The following SNTG1 variants were observed in gnomAD, a reference collection of about 807,000 sequenced individuals.
The protein encoded by SNTG1 is syntrophin gamma 1.
Under a neutral mutation model 74.7 loss-of-function variants are expected in SNTG1, and 39 were observed. The ratio of observed to expected loss-of-function variants is 0.52; its 90% confidence interval spans 0.40 to 0.68. The LOEUF (loss-of-function observed/expected upper bound fraction) is 0.68, where lower values mean the gene tolerates loss of function less well. SNTG1 is among the 30% of genes least tolerant of loss of function. SNTG1 has a pLI of 0.00. For synonymous variants in SNTG1, 254 were observed against 217.1 expected (o/e 1.17, Z -1.49); for missense variants, 685 against 609.5 (o/e 1.12, Z -1.30).
chr8:50,078,732 G>T (rs985531822), intron 1 of SNTG1, among the ~76,000 whole-genome samples: 1 of 152,008 alleles, frequency 6.6e-6, no homozygotes, highest in African/African-American at 2.4e-5. Context: ...CCCTCGACAG[G>T]CCCCAGCGTG....
chr8:50,534,149 T>C (rs901444832), intron 10 of SNTG1, among the ~76,000 whole-genome samples: 2 of 152,186 alleles, frequency 1.3e-5, no homozygotes, highest in Non-Finnish European at 2.9e-5. Flanking sequence ...CCAGGTTGAA[T>C]GTTAAATGTT....
intron 2 of SNTG1, among the ~76,000 whole-genome samples, chr8:50,388,369 T>A (rs945972219): frequency 7.2e-5 from 11 of 152,166 alleles, no homozygotes; most frequent in Admixed American, 7.2e-4. Context: ...ATTGTGTGTA[T>A]CTCTATTGCC....
At chr8:50,202,364 C>T (rs1026891748) in intron 2 of SNTG1, among the ~76,000 whole-genome samples, 2 of 152,072 alleles carry the variant, frequency 1.3e-5, no homozygotes, top group African/African-American at 2.4e-5. Context: ...TCCCCTCCTT[C>T]CCCTGATCTC....
At chr8:50,377,271 G>A (rs2092405046) in intron 2 of SNTG1, among the ~76,000 whole-genome samples, 1 of 152,068 alleles carries the variant, frequency 6.6e-6, no homozygotes, top group Admixed American at 6.6e-5. Context: ...GGAATGTGTA[G>A]GGACATGAAT....
intron 1 of SNTG1, among the ~76,000 whole-genome samples, chr8:49,970,569 C>A (rs1044825714): frequency 6.6e-6 from 1 of 152,124 alleles, no homozygotes; most frequent in Non-Finnish European, 1.5e-5. Context: ...GGTATTTCCT[C>A]CCTTGGAATC....
chr8:50,711,231 A>C (rs1282679664), intron 17 of SNTG1, among the ~76,000 whole-genome samples: 1 of 152,208 alleles, frequency 6.6e-6, no homozygotes, highest in African/African-American at 2.4e-5. Flanking sequence ...TTATTAAAAT[A>C]AATAATATCT....
At chr8:50,555,472 A>G (rs2094450591) in intron 12 of SNTG1, among the ~76,000 whole-genome samples, 1 of 152,228 alleles carries the variant, frequency 6.6e-6, no homozygotes, top group Non-Finnish European at 1.5e-5. Flanking sequence ...ATTAGCATAA[A>G]GAAAGAAATT....
chr8:49,981,749 T>G (rs1812698161), intron 1 of SNTG1, among the ~76,000 whole-genome samples: 1 of 152,198 alleles, frequency 6.6e-6, no homozygotes, highest in African/African-American at 2.4e-5. Flanking sequence ...AATATTTTCC[T>G]GTTCCTCCCC....
chr8:50,543,577 A>G (rs1286768199), intron 11 of SNTG1, among the ~76,000 whole-genome samples: 2 of 152,140 alleles, frequency 1.3e-5, no homozygotes, highest in Non-Finnish European at 2.9e-5. Flanking sequence ...GATGTAGCAC[A>G]TTTAAAAAAT....
At chr8:50,576,776 T>C (rs1007188188) in intron 12 of SNTG1, among the ~76,000 whole-genome samples, 6 of 152,242 alleles carry the variant, frequency 3.9e-5, no homozygotes, top group Admixed American at 2.6e-4. Flanking sequence ...TGTTATTACA[T>C]AGAAATGCAA....
intron 12 of SNTG1, among the ~76,000 whole-genome samples, chr8:50,565,779 A>C (rs1393931142): frequency 6.6e-6 from 1 of 152,024 alleles, no homozygotes; most frequent in Non-Finnish European, 1.5e-5. Flanking sequence ...GATAATATGA[A>C]TAAGTGCTAT....
At chr8:50,683,171 AT>A (rs575406967) in intron 15 of SNTG1, among the ~76,000 whole-genome samples, 1 of 152,132 alleles carries the variant, frequency 6.6e-6, no homozygotes, top group African/African-American at 2.4e-5. Flanking sequence ...CTTGCAATCC[AT>A]TTTTTGGTTG....
intron 2 of SNTG1, among the ~76,000 whole-genome samples, chr8:50,192,388 A>C (rs1004826254): frequency 6.6e-6 from 1 of 152,040 alleles, no homozygotes; most frequent in East Asian, 1.9e-4. Context: ...ACCATCATGT[A>C]ACATTTCCCT....
chr8:50,514,492 T>A (rs2094114648), intron 9 of SNTG1, among the ~76,000 whole-genome samples: 1 of 152,178 alleles, frequency 6.6e-6, no homozygotes. Flanking sequence ...GACTTATTGG[T>A]TTTTCAAAAC....
intron 11 of SNTG1, among the ~76,000 whole-genome samples, chr8:50,539,856 CA>C (rs1280296047): frequency 2.6e-5 from 4 of 152,074 alleles, no homozygotes; most frequent in African/African-American, 9.7e-5. Context: ...CAGGTATTGC[CA>C]AAAGTTTTTG....
At chr8:50,401,963 T>C (rs62517613) in intron 3 of SNTG1, among the ~76,000 whole-genome samples, 27,137 of 152,144 alleles carry the variant, frequency 0.18, 2,659 homozygotes, top group Middle Eastern at 0.27. Flanking sequence ...CCATAATCCT[T>C]ACTCCCCACT....
At chr8:50,392,344 T>C (rs2092673763) in intron 2 of SNTG1, among the ~76,000 whole-genome samples, 1 of 152,194 alleles carries the variant, frequency 6.6e-6, no homozygotes, top group South Asian at 2.1e-4. Context: ...AGGTGGGATT[T>C]ATATGCAGAA....
chr8:49,966,793 T>A (rs572891315), intron 1 of SNTG1, among the ~76,000 whole-genome samples: 1 of 152,336 alleles, frequency 6.6e-6, no homozygotes, highest in East Asian at 1.9e-4. Context: ...TAACCAAGAA[T>A]GGGTATGATG....
At chr8:50,056,756 C>T (rs933693549) in intron 1 of SNTG1, among the ~76,000 whole-genome samples, 7 of 152,210 alleles carry the variant, frequency 4.6e-5, no homozygotes, top group Admixed American at 2.6e-4. Context: ...TATCAAGTTT[C>T]AGCTTCCAAC....
Sources: gnomAD v4.1 joint callset for allele counts (sites outside exome capture counted in the v4.1 genomes callset) on GRCh38, gnomAD v4.1.1 for gene constraint, MANE v1.5 for transcripts, NCBI Gene and HGNC (gene_info 2026-07-23, HGNC 2026-07-21) for gene names.